Variants in CAMKK2 observed in about 807,000 individuals in gnomAD.
CAMKK2 encodes calcium/calmodulin dependent protein kinase kinase 2.
Under a neutral mutation model 67.2 loss-of-function variants are expected in CAMKK2, and 30 were observed. That is an observed-to-expected ratio of 0.45 (90% CI 0.33 to 0.61). The LOEUF (loss-of-function observed/expected upper bound fraction) is 0.61. Ranked by LOEUF, CAMKK2 falls within the 20% of genes least tolerant of loss-of-function variation. The probability of loss-of-function intolerance (pLI) is 0.02; values close to 1 mark genes in which losing one functional copy is unlikely to be tolerated. For missense variants in CAMKK2, 643 were observed against 802.0 expected, an observed-to-expected ratio of 0.80 and a Z score of 2.39; for synonymous variants, 322 against 326.2, an observed-to-expected ratio of 0.99 and a Z score of 0.14.
chr12:121,287,537 T>C (rs777381601), intron 1 of CAMKK2, among the ~76,000 whole-genome samples: 1 of 152,136 alleles, frequency 6.6e-6, no homozygotes, highest in Non-Finnish European at 1.5e-5. Context: ...AGGCCCTGGA[T>C]ACTCACAGAG....
At chr12:121,293,337 G>T (rs776794773) in intron 1 of CAMKK2, among the ~76,000 whole-genome samples, 3 of 152,068 alleles carry the variant, frequency 2.0e-5, no homozygotes, top group Non-Finnish European at 4.4e-5. Context: ...TGATTTAAAG[G>T]AAAATCTGAA....
At chr12:121,291,668 C>T (rs1258250455) in intron 1 of CAMKK2, among the ~76,000 whole-genome samples, 1 of 152,154 alleles carries the variant, frequency 6.6e-6, no homozygotes, top group Non-Finnish European at 1.5e-5. Flanking sequence ...ACAAGGTTTC[C>T]TCTGGGGGTG....
intron 1 of CAMKK2, among the ~76,000 whole-genome samples, chr12:121,294,991 G>C (rs1427600745): frequency 2.0e-5 from 3 of 152,122 alleles, no homozygotes; most frequent in African/African-American, 7.2e-5. Context: ...CCAACATGGT[G>C]AAACCCCTTC....
chr12:121,253,847 T>G lies in CAMKK2; in HGVS notation c.908-375A>C, dbSNP rs1437405053. Among the ~76,000 whole-genome samples the G allele has an allele frequency of 6.6e-6, 1 of 152,182 alleles. No homozygotes were observed. Among genetic ancestry groups the G allele is most frequent in the Non-Finnish European group, 1.5e-5 (1 of 68,036 alleles). On this transcript the variant is annotated intron_variant, in intron 9 of 16. Transcript: ENST00000404169. The surrounding 1 kb of genome is among the most constrained non-coding windows in gnomAD (Gnocchi z 5.0). ...GTGAAACTGACAGTGAAACATAGTT[T>G]CATTTACCAACAGCCAATACTCAAC...
chr12:121,251,758 C>G (rs1192902764), intron 11 of CAMKK2, among the ~76,000 whole-genome samples: 1 of 142,036 alleles, frequency 7.0e-6, no homozygotes, highest in Non-Finnish European at 1.5e-5. Flanking sequence ...ACCCGGGAGG[C>G]GGAGGTTGCA....
rs1297617733 is a variant in CAMKK2 at position 121,245,105 on chromosome 12, C to T, written c.1553+35G>A. 2 of 1,445,414 alleles carry T rather than the reference C, an allele frequency of 1.4e-6. No individual in the cohort carries two copies. Among genetic ancestry groups the T allele is most frequent in the Non-Finnish European group, 1.9e-6 (2 of 1,045,934 alleles). The allele number at this position is 1,445,414 out of a possible 1,614,324, so 89.5% of individuals were successfully genotyped here. Reference sequence around the variant, plus strand: ...TGCCCCAAGCCTAGCCTCCAGCCACCACTCCCCCACCCAAGAAGGCAGGCG... The same window carrying T: ...TGCCCCAAGCCTAGCCTCCAGCCACTACTCCCCCACCCAAGAAGGCAGGCG... On this transcript the variant is annotated intron_variant, in intron 15 of 16. Coordinates refer to ENST00000404169, the MANE Select transcript of CAMKK2 (RefSeq NM_001270485.2). The surrounding 1 kb of genome is among the most constrained non-coding windows in gnomAD (Gnocchi z 5.8).
Position 121,274,452 on chromosome 12 carries a change from G to C in CAMKK2, c.75C>G (p.Ser25Arg). 6.2e-7 allele frequency: 1 copy of C among 1,613,062 alleles called. No homozygotes were observed. Residue 25 changes from serine (S) to arginine (R), a missense_variant, in exon 2 of 17, where the codon AGC (serine) becomes AGG (arginine). Transcript: ENST00000404169. ...APQDELGGRG[S>R]SSSESQKPCE... ...AGGGCTTCTGGCTTTCGCTGCTGCT[G>C]CTGCCCCTGCCCCCCAGCTCATCCT...
chr12:121,247,063 C>T (rs1936000583), intron 14 of CAMKK2, among the ~76,000 whole-genome samples: 1 of 152,020 alleles, frequency 6.6e-6, no homozygotes, highest in Non-Finnish European at 1.5e-5. Flanking sequence ...CATGTAAAAC[C>T]TCGCCACACC....
At position 121,252,820 on chromosome 12, in the gene CAMKK2, G is replaced by C. The variant is rs1294724848; in HGVS notation, c.1108-106C>G. 12 of 1,124,126 alleles carry C rather than the reference G, an allele frequency of 1.1e-5. No homozygotes were observed. The East Asian group carries it at 2.8e-4, about 26-fold the overall frequency. 69.6% of individuals were successfully genotyped at this position (1,124,126 alleles called of 1,614,324 possible). On this transcript the variant is annotated intron_variant, in intron 10 of 16. Transcript: ENST00000404169. ...TCTTGACTTTCAGCCCTTGGAGTTG[G>C]GGCGGGACCAATCTTGTCTCCTAGG...
intron 7 of CAMKK2, among the ~76,000 whole-genome samples, chr12:121,258,076 G>A (rs1427114218): frequency 2.0e-5 from 3 of 148,236 alleles, no homozygotes; most frequent in African/African-American, 7.5e-5. Context: ...CCAGACTGGA[G>A]TGCAATGGCA....
chr12:121,269,412 T>C (rs1895282057), intron 4 of CAMKK2, 116 bp downstream of exon 4: 2 of 795,644 alleles, frequency 2.5e-6, no homozygotes, highest in African/African-American at 1.7e-5. Context: ...AAAATAAACA[T>C]GACCTAAGAA....
chr12:121,279,680 A>T (rs1566121620), intron 1 of CAMKK2, among the ~76,000 whole-genome samples: 1 of 152,204 alleles, frequency 6.6e-6, no homozygotes, highest in Non-Finnish European at 1.5e-5. Context: ...ACAAAATGTC[A>T]GCCCTGGCCC....
chr12:121,252,776 T>G (rs997162957), intron 10 of CAMKK2, 62 bp from the exon 11 acceptor site: 1 of 1,556,096 alleles, frequency 6.4e-7, no homozygotes, highest in Non-Finnish European at 8.8e-7. Context: ...ATCCTCCAGT[T>G]TTCCTTTGGG....
chr12:121,270,780 T>G, intron 3 of CAMKK2, 118 bp downstream of exon 3: 1 of 718,904 alleles, frequency 1.4e-6, no homozygotes, highest in Non-Finnish European at 2.4e-6. Context: ...CAAAACCCTC[T>G]CCACCAACCT....
Position 121,238,933 on chromosome 12 carries a change from G to C in CAMKK2, c.*1766C>G. ...CATAAAGCCAGGAGGGCAAGAGGAA[G>C]TGCTGGGTTACAAAGACCCAGCAAG... On this transcript the variant is annotated 3_prime_UTR_variant, in exon 17 of 17. Transcript: ENST00000404169. 1 of 152,686 alleles carries C rather than the reference G, an allele frequency of 6.5e-6. No individual in the cohort carries two copies. Among genetic ancestry groups the C allele is most frequent in the Non-Finnish European group, 1.5e-5 (1 of 68,070 alleles). The allele number at this position is 152,686 out of a possible 1,614,324, so 9.5% of individuals were successfully genotyped here.
intron 14 of CAMKK2, among the ~76,000 whole-genome samples, chr12:121,247,714 T>C (rs1040524225): frequency 6.6e-6 from 1 of 152,034 alleles, no homozygotes; most frequent in African/African-American, 2.4e-5. Context: ...AGGAAGTGTG[T>C]GGGGAAGCAG....
At chr12:121,256,633 T>G (rs891476290) in intron 7 of CAMKK2, among the ~76,000 whole-genome samples, 2 of 152,192 alleles carry the variant, frequency 1.3e-5, no homozygotes, top group Non-Finnish European at 2.9e-5. Context: ...ACATTTCATA[T>G]AAATGGAATT....
chr12:121,244,817 G>C (rs1254421556), intron 15 of CAMKK2, among the ~76,000 whole-genome samples: 1 of 152,202 alleles, frequency 6.6e-6, no homozygotes, highest in Non-Finnish European at 1.5e-5. Context: ...TGCTCGCCCA[G>C]CACAGAGCCT....
chr12:121,258,555 T>G (rs866193282), intron 7 of CAMKK2, among the ~76,000 whole-genome samples: 8 of 152,168 alleles, frequency 5.3e-5, no homozygotes, highest in South Asian at 2.1e-4. Flanking sequence ...TGATACCTAC[T>G]ACCCGGCCTC....
Sources: gnomAD v4.1 joint callset for allele counts (sites outside exome capture counted in the v4.1 genomes callset) on GRCh38, gnomAD v4.1.1 for gene constraint, Gnocchi (gnomAD v3.1) non-coding constraint, MANE v1.5 for transcripts, NCBI Gene and HGNC (gene_info 2026-07-23, HGNC 2026-07-21) for gene names.